Variants in DKK2 observed in about 807,000 individuals in gnomAD.
The protein encoded by DKK2 is dickkopf Wnt signaling pathway inhibitor 2, also known as dickkopf-related protein 2.
A neutral mutation model predicts 28.1 loss-of-function variants in DKK2; 11 were observed. The observed-to-expected ratio is 0.39, with a 90% confidence interval of 0.25 to 0.65. The LOEUF (loss-of-function observed/expected upper bound fraction) is 0.65, where lower values mean the gene tolerates loss of function less well. DKK2 is among the 30% of genes least tolerant of loss of function. The probability of loss-of-function intolerance (pLI) is 0.47; values close to 1 mark genes in which losing one functional copy is unlikely to be tolerated. For missense variants in DKK2, 326 were observed against 335.5 expected, an observed-to-expected ratio of 0.97 and a Z score of 0.22; for synonymous variants, 135 against 126.5, an observed-to-expected ratio of 1.07 and a Z score of -0.45.
chr4:106,985,541 G>T (rs1036417545), intron 1 of DKK2, among the ~76,000 whole-genome samples: 9 of 152,096 alleles, frequency 5.9e-5, no homozygotes, highest in Admixed American at 5.2e-4. Context: ...AGGCATGGTG[G>T]CTCAGGCCTG....
rs568907899 is a variant in DKK2 at position 106,966,485 on chromosome 4, T to C, written c.223-40536A>G. On this transcript the variant is annotated intron_variant, in intron 1 of 3. Transcript: ENST00000285311. ...AATTTTCCTAAGAATGTATTTGTAT[T>C]TTTTATTTAAATCTCATGTGTTAGA... is the stretch of plus-strand genomic sequence containing the variant. 2.6e-5 allele frequency among the ~76,000 whole-genome samples: 4 copies of C among 152,334 alleles called. No homozygotes were observed. The East Asian group carries it at 7.7e-4, about 29-fold the overall frequency.
intron 1 of DKK2, among the ~76,000 whole-genome samples, chr4:106,998,586 G>T (rs956742853): frequency 3.9e-5 from 6 of 152,076 alleles, no homozygotes; most frequent in Non-Finnish European, 8.8e-5. Flanking sequence ...ACTCTTCACT[G>T]CTTTCTTATG....
chr4:107,009,548 T>A (rs540716493), intron 1 of DKK2, among the ~76,000 whole-genome samples: 3 of 152,018 alleles, frequency 2.0e-5, no homozygotes, highest in Non-Finnish European at 4.4e-5. Context: ...GAGTTTTTAT[T>A]TTAACATATG....
At chr4:106,929,391 A>C (rs1023005763) in intron 1 of DKK2, among the ~76,000 whole-genome samples, 7 of 152,206 alleles carry the variant, frequency 4.6e-5, no homozygotes, top group African/African-American at 1.7e-4. Flanking sequence ...CACCTATCAC[A>C]TGCTAAACTG....
At chr4:107,019,628 C>T (rs1411760748) in intron 1 of DKK2, among the ~76,000 whole-genome samples, 2 of 152,154 alleles carry the variant, frequency 1.3e-5, no homozygotes, top group African/African-American at 4.8e-5. Flanking sequence ...ACTGATACCA[C>T]ATTTAATGTC....
intron 1 of DKK2, among the ~76,000 whole-genome samples, chr4:106,952,576 ATTCT>A (rs2110347258): frequency 6.6e-6 from 1 of 152,278 alleles, no homozygotes; most frequent in South Asian, 2.1e-4. Context: ...TGATGCCAAA[ATTCT>A]TTATTTATAT....
At chr4:106,990,125 T>G (rs1373755318) in intron 1 of DKK2, among the ~76,000 whole-genome samples, 1 of 152,194 alleles carries the variant, frequency 6.6e-6, no homozygotes, top group Non-Finnish European at 1.5e-5. Flanking sequence ...AGTTGTTTAA[T>G]AAAAACATAT....
intron 1 of DKK2, among the ~76,000 whole-genome samples, chr4:107,033,052 T>TTCATAACAGAAA (rs1207308129): frequency 7.3e-5 from 11 of 151,670 alleles, no homozygotes; most frequent in African/African-American, 2.2e-4. Flanking sequence ...AATATTTTAC[T>TTCATAACAGAAA]ATTTGTTTCT....
At chr4:106,990,257 A>G (rs1378851180) in intron 1 of DKK2, among the ~76,000 whole-genome samples, 1 of 152,234 alleles carries the variant, frequency 6.6e-6, no homozygotes, top group Non-Finnish European at 1.5e-5. Context: ...TCAAGAGGTC[A>G]ATAGCCACAT....
Position 106,973,594 on chromosome 4 carries a change from T to C in DKK2, c.223-47645A>G, listed in dbSNP as rs1456232269. Among the ~76,000 whole-genome samples the C allele has an allele frequency of 2.6e-5, 4 of 152,220 alleles. No homozygotes were observed. In the East Asian group the frequency reaches 5.8e-4, roughly 22 times the overall value. On this transcript the variant is annotated intron_variant, in intron 1 of 3. Transcript: ENST00000285311. ...TTTTGATGGGGTTTTTGTTTTTTTCTTGTAAATTTGTTTAAGTTCCCTGTA... is the reference window on the plus strand; with the variant it reads ...TTTTGATGGGGTTTTTGTTTTTTTCCTGTAAATTTGTTTAAGTTCCCTGTA...
intron 1 of DKK2, among the ~76,000 whole-genome samples, chr4:106,988,332 G>C (rs937395843): frequency 2.4e-4 from 37 of 152,250 alleles, no homozygotes; most frequent in Admixed American, 2.2e-3. Flanking sequence ...CAGTTTCAAA[G>C]TCATTCAGAT....
intron 1 of DKK2, among the ~76,000 whole-genome samples, chr4:106,930,026 A>T (rs891112369): frequency 6.6e-6 from 1 of 152,116 alleles, no homozygotes; most frequent in Non-Finnish European, 1.5e-5. Flanking sequence ...ACTTGGCCAC[A>T]TCTCTTTCTA....
intron 1 of DKK2, among the ~76,000 whole-genome samples, chr4:106,934,058 TAC>T (rs148355721): frequency 0.042 from 5,932 of 139,846 alleles, 99 homozygotes; most frequent in Non-Finnish European, 0.05. Flanking sequence ...TACACACAGA[TAC>T]ACACACACAC....
At chr4:107,004,686 G>A (rs1011166180) in intron 1 of DKK2, among the ~76,000 whole-genome samples, 20 of 152,112 alleles carry the variant, frequency 1.3e-4, no homozygotes, top group African/African-American at 4.1e-4. Context: ...ATTACCTTAC[G>A]TGGCAAAAAG....
Position 107,035,913 on chromosome 4 carries a change from A to T in DKK2, c.-322T>A. 1 of 374,624 alleles carries T rather than the reference A, an allele frequency of 2.7e-6. No individual in the cohort carries two copies. Among genetic ancestry groups the T allele is most frequent in the Admixed American group, 4.2e-5 (1 of 23,866 alleles). The allele number at this position is 374,624 out of a possible 1,614,324, so 23.2% of individuals were successfully genotyped here. A position where few individuals can be genotyped will look rare whatever the true frequency, so the allele number is the denominator to read the frequency against. On this transcript the variant is annotated 5_prime_UTR_variant, in exon 1 of 4. Transcript: ENST00000285311. Reference sequence around the variant, plus strand: ...AAGAAAACCCAGCCCTGTGGATCGCACCGCTTCCGTTCCTTCTTGCCCCGC... The same window carrying T: ...AAGAAAACCCAGCCCTGTGGATCGCTCCGCTTCCGTTCCTTCTTGCCCCGC...
At chr4:106,989,772 G>T (rs1476349184) in intron 1 of DKK2, among the ~76,000 whole-genome samples, 1 of 152,174 alleles carries the variant, frequency 6.6e-6, no homozygotes, top group African/African-American at 2.4e-5. Flanking sequence ...TAGGGTCACA[G>T]AAGGAAACTG....
At chr4:107,032,369 T>C (rs1723887692) in intron 1 of DKK2, among the ~76,000 whole-genome samples, 1 of 152,062 alleles carries the variant, frequency 6.6e-6, no homozygotes, top group Non-Finnish European at 1.5e-5. Flanking sequence ...TTTCTAGAAG[T>C]GATATTACAA....
intron 1 of DKK2, among the ~76,000 whole-genome samples, chr4:106,952,880 T>C (rs1204412075): frequency 6.6e-6 from 1 of 152,200 alleles, no homozygotes; most frequent in Non-Finnish European, 1.5e-5. Context: ...GTCAACAGTC[T>C]GTTTTTGTTA....
At chr4:106,934,421 C>T (rs1664018624) in intron 1 of DKK2, among the ~76,000 whole-genome samples, 5 of 152,232 alleles carry the variant, frequency 3.3e-5, no homozygotes, top group South Asian at 2.1e-4. Context: ...TCAAGCACCT[C>T]GACTGAAGTT....
Sources: gnomAD v4.1 joint callset for allele counts (sites outside exome capture counted in the v4.1 genomes callset) on GRCh38, gnomAD v4.1.1 for gene constraint, MANE v1.5 for transcripts, NCBI Gene and HGNC (gene_info 2026-07-23, HGNC 2026-07-21) for gene names.